Variants in CHD4 observed in about 807,000 individuals in gnomAD.
The protein encoded by CHD4 is chromodomain helicase DNA binding protein 4, also known as ATP-dependent chromatin remodeler CHD4.
In CHD4, 35 loss-of-function variants were observed where a neutral mutation model predicts 235.5. The observed-to-expected ratio is 0.15, with a 90% CI of 0.11 to 0.20. CHD4 has a LOEUF of 0.20. CHD4 is among the 10% of genes least tolerant of loss of function. The probability of loss-of-function intolerance (pLI) is 1.00; values close to 1 mark genes in which losing one functional copy is unlikely to be tolerated. For synonymous variants in CHD4, 900 were observed against 850.2 expected (o/e 1.06, Z -1.02); for missense variants, 1,329 against 2,432.3 (o/e 0.55, Z 9.54).
chr12:6,571,145 G>A (rs1280876401), intron 38 of CHD4, 113 bp from the exon 39 acceptor site: 3 of 1,264,602 alleles, frequency 2.4e-6, no homozygotes, highest in African/African-American at 3.0e-5. Flanking sequence ...GTGATGTATT[G>A]TCTTCTGTCA....
chr12:6,600,869 T>G, intron 7 of CHD4, 57 bp downstream of exon 7: 1 of 1,528,224 alleles, frequency 6.5e-7, no homozygotes, highest in South Asian at 1.3e-5. Context: ...TGATAGAAGG[T>G]CACATCCTTT....
At chr12:6,578,946 A>G in intron 33 of CHD4, 29 bp from the exon 34 acceptor site, 9 of 1,595,190 alleles carry the variant, frequency 5.6e-6, no homozygotes, top group Non-Finnish European at 7.7e-6. Context: ...TTGAGACTAT[A>G]CCTAAAGGAA....
intron 14 of CHD4, 90 bp downstream of exon 14, chr12:6,595,244 C>A: frequency 9.1e-7 from 1 of 1,098,280 alleles, no homozygotes; most frequent in Non-Finnish European, 1.3e-6. Flanking sequence ...TTACTATCTG[C>A]ATTTCATTAC....
In CHD4 at chr12:6,581,150, G is replaced by T. The variant is rs1948180716; in HGVS notation, c.4803C>A (p.Ala1601=). 3 of 1,614,020 alleles carry T rather than the reference G, an allele frequency of 1.9e-6. No individual in the cohort carries two copies. In the East Asian group the frequency reaches 6.7e-5, roughly 36 times the overall value. The change falls in exon 33 of 40, where the codon GCC becomes GCA. Residue 1601 remains alanine (A), a synonymous_variant. Coordinates refer to ENST00000544040, the MANE Select transcript of CHD4 (RefSeq NM_001273.5). ...AIECTQAPAP[A]SEDEKVVVEP... is the part of the protein sequence containing the mutation. The stretch of plus-strand genomic sequence containing the variant: ...CAACAACGACCTTTTCATCCTCTGA[G>T]GCAGGGGCAGGGGCCTGTGTACACT...
intron 12 of CHD4, among the ~76,000 whole-genome samples, chr12:6,596,649 A>T (rs987838086): frequency 1.3e-5 from 2 of 151,830 alleles, no homozygotes; most frequent in Non-Finnish European, 1.5e-5. Flanking sequence ...AAAATGCAAA[A>T]ATTAGCCGGG....
Position 6,593,841 on chromosome 12 carries a change from T to G in CHD4, c.2314-225A>C, listed in dbSNP as rs1013516384. Reference sequence around the variant, plus strand: ...TTACCTCTCCCATTAAGTCTTTATATACTTTTTTTCTGAGACGGAGTTTCA... The same window carrying G: ...TTACCTCTCCCATTAAGTCTTTATAGACTTTTTTTCTGAGACGGAGTTTCA... On this transcript the variant is annotated intron_variant, in intron 15 of 39. Coordinates refer to ENST00000544040, the MANE Select transcript of CHD4 (RefSeq NM_001273.5). The surrounding 1 kb of genome is among the most constrained non-coding windows in gnomAD (Gnocchi z 4.9). Among the ~76,000 whole-genome samples, 1 of 152,146 alleles carries G rather than the reference T, an allele frequency of 6.6e-6. No homozygotes were observed. Among genetic ancestry groups the G allele is most frequent in the East Asian group, 1.9e-4 (1 of 5,194 alleles).
In CHD4 at chr12:6,593,379, A is replaced by C. The variant is rs1331294110; in HGVS notation, c.2514+37T>G. The C allele has an allele frequency of 1.2e-6, 2 of 1,608,020 alleles. No individual in the cohort carries two copies. The highest frequency in any genetic ancestry group is 3.3e-5 in the Admixed American group (2 of 59,928). ...GAGGTAAACTAAGCCAGAAGCCACAACTCTTTCTCTAGGGTGGCTTCCCTC... is the reference window on the plus strand; with the variant it reads ...GAGGTAAACTAAGCCAGAAGCCACACCTCTTTCTCTAGGGTGGCTTCCCTC... On this transcript the variant is annotated intron_variant, in intron 16 of 39. Coordinates refer to ENST00000544040, the MANE Select transcript of CHD4 (RefSeq NM_001273.5). This position sits in a 1 kb window ranked among gnomAD's most constrained non-coding sequence, Gnocchi z 4.9.
chr12:6,588,454 T>C, intron 22 of CHD4, 32 bp from the exon 23 acceptor site: 1 of 1,607,232 alleles, frequency 6.2e-7, no homozygotes, highest in Non-Finnish European at 8.5e-7. Flanking sequence ...CCATTAGAAG[T>C]GTCTCCTAAA....
At chr12:6,578,293 G>T in intron 35 of CHD4, 116 bp downstream of exon 35, 2 of 1,405,482 alleles carry the variant, frequency 1.4e-6, no homozygotes, top group Non-Finnish European at 9.9e-7. Flanking sequence ...CTATCAGTTT[G>T]GCATTCCCTC....
intron 15 of CHD4, among the ~76,000 whole-genome samples, chr12:6,594,085 T>C (rs527780701): frequency 6.6e-6 from 1 of 152,278 alleles, no homozygotes; most frequent in East Asian, 1.9e-4. Flanking sequence ...TCCACCAACC[T>C]CGGGCTTCCA....
Position 6,587,944 on chromosome 12 carries a change from A to G in CHD4, c.3471T>C (p.Phe1157=), listed in dbSNP as rs1390937428. ...DWNPHNDIQA[F]SRAHRIGQNK... ...TTTGCCCAATCCGGTGAGCTCTGCT[A>G]AAGGCCTGGAGTTGAACAGGAAATA... The change falls in exon 24 of 40, where the codon TTT becomes TTC. Residue 1157 remains phenylalanine, a synonymous_variant. Transcript: ENST00000544040. 1 of 1,613,842 alleles carries G rather than the reference A, an allele frequency of 6.2e-7. No homozygotes were observed. The highest frequency in any genetic ancestry group is 1.1e-5 in the South Asian group (1 of 91,090).
intron 37 of CHD4, among the ~76,000 whole-genome samples, chr12:6,575,918 C>T (rs1256218872): frequency 1.3e-5 from 2 of 152,192 alleles, no homozygotes; most frequent in Non-Finnish European, 2.9e-5. Context: ...CCAACCTAAT[C>T]CCTTTGTTCA....
At chr12:6,597,743 GCA>G (rs1446352410) in intron 12 of CHD4, 149 bp downstream of exon 12, 1 of 683,070 alleles carries the variant, frequency 1.5e-6, no homozygotes, top group Non-Finnish European at 2.5e-6. Context: ...TCCAGCCTGG[GCA>G]CAGAGTGAGA....
At chr12:6,574,633 C>G (rs1484832293) in intron 37 of CHD4, among the ~76,000 whole-genome samples, 8 of 152,192 alleles carry the variant, frequency 5.3e-5, no homozygotes, top group Admixed American at 6.6e-5. Flanking sequence ...GTACCTTCAG[C>G]ACTGGTTCTG....
intron 34 of CHD4, 126 bp from the exon 35 acceptor site, chr12:6,578,672 G>C: frequency 4.1e-6 from 6 of 1,479,580 alleles, no homozygotes; most frequent in Non-Finnish European, 5.6e-6. Context: ...GTGTCTCTCA[G>C]ACCCAGAAAA....
At chr12:6,573,317 T>C (rs768094866) in intron 37 of CHD4, 48 bp from the exon 38 acceptor site, 1 of 1,459,186 alleles carries the variant, frequency 6.9e-7, no homozygotes, top group African/African-American at 1.5e-5. Context: ...TAACTCACTT[T>C]ACTCACTTCT....
rs371917637 is a variant in CHD4, at chr12:6,602,285, A to G, written c.222+91T>C. The G allele has an allele frequency of 1.7e-4, 272 of 1,599,142 alleles. 2 individuals carry two copies. The East Asian group carries it at 5.2e-3, about 31-fold the overall frequency. ...CCCAGAACATGGCCCACCACTTCTG[A>G]GAAAGAAACAAATGCCCTCAGCCCT... On this transcript the variant is annotated intron_variant, in intron 3 of 39. Coordinates refer to ENST00000544040, the MANE Select transcript of CHD4 (RefSeq NM_001273.5).
chr12:6,581,479 C>T, intron 31 of CHD4, 91 bp from the exon 32 acceptor site: 2 of 1,521,186 alleles, frequency 1.3e-6, no homozygotes, highest in Non-Finnish European at 9.1e-7. Flanking sequence ...CTTAAATTGT[C>T]CTCTCGTGCC....
Position 6,599,358 on chromosome 12 carries a change from T to C in CHD4, c.1482+415A>G, listed in dbSNP as rs1592280387. On this transcript the variant is annotated intron_variant, in intron 10 of 39. Coordinates refer to ENST00000544040, the MANE Select transcript of CHD4 (RefSeq NM_001273.5). ...AAGAGGTTGAGATAGGAGGATCACT[T>C]GAGCCCAAGAGTTGGAGGCTGCAAT... Among the ~76,000 whole-genome samples, 3 of 152,006 alleles carry C rather than the reference T, an allele frequency of 2.0e-5. 1 individual carries two copies. The South Asian group carries it at 6.2e-4, about 32-fold the overall frequency.
Sources: gnomAD v4.1 joint callset for allele counts (sites outside exome capture counted in the v4.1 genomes callset) on GRCh38, gnomAD v4.1.1 for gene constraint, Gnocchi (gnomAD v3.1) non-coding constraint, MANE v1.5 for transcripts, NCBI Gene and HGNC (gene_info 2026-07-23, HGNC 2026-07-21) for gene names.